PROM1: variants seen among roughly 807,000 people sequenced by gnomAD.
The protein encoded by PROM1 is prominin-1.
Under a neutral mutation model 116.9 loss-of-function variants are expected in PROM1, and 105 were observed. The observed-to-expected ratio is 0.90, with a 90% CI of 0.77 to 1.06. The LOEUF (loss-of-function observed/expected upper bound fraction) is 1.06. Among genes scored for constraint, PROM1 ranks in the 50% least tolerant of loss-of-function variants. The probability of loss-of-function intolerance (pLI) is 0.00; values close to 1 mark genes in which losing one functional copy is unlikely to be tolerated. For synonymous variants in PROM1, 393 were observed against 387.0 expected (o/e 1.02, Z -0.18); for missense variants, 1,122 against 1,045.2 (o/e 1.07, Z -1.01).
intron 23 of PROM1, among the ~76,000 whole-genome samples, chr4:15,983,286 G>A (rs910771349): frequency 3.3e-5 from 5 of 152,180 alleles, no homozygotes; most frequent in African/African-American, 1.2e-4. Flanking sequence ...TTCATTGAGT[G>A]CTGATGTTCC....
chr4:15,970,935 G>T, intron 27 of PROM1, 108 bp downstream of exon 27: 3 of 882,886 alleles, frequency 3.4e-6, no homozygotes, highest in Non-Finnish European at 5.4e-6. Flanking sequence ...TGCTGATCTA[G>T]ATTTCCCACT....
chr4:16,027,668 C>T (rs1349829602), intron 5 of PROM1, among the ~76,000 whole-genome samples: 1 of 152,172 alleles, frequency 6.6e-6, no homozygotes, highest in Non-Finnish European at 1.5e-5. Context: ...TCTAATGTGT[C>T]TTTATTCTTA....
At chr4:15,974,379 A>G (rs1715532790) in intron 26 of PROM1, among the ~76,000 whole-genome samples, 2 of 152,190 alleles carry the variant, frequency 1.3e-5, no homozygotes, top group Admixed American at 1.3e-4. Context: ...ACAGCCACAG[A>G]CTGTATAATG....
intron 26 of PROM1, among the ~76,000 whole-genome samples, chr4:15,976,795 C>T (rs189124702): frequency 3.8e-4 from 58 of 152,160 alleles, no homozygotes; most frequent in African/African-American, 1.3e-3. Flanking sequence ...CTCAGGGAGC[C>T]GTGGAGTTGT....
chr4:16,027,193 T>G (rs1227562976), intron 5 of PROM1, among the ~76,000 whole-genome samples: 1 of 152,100 alleles, frequency 6.6e-6, no homozygotes, highest in Non-Finnish European at 1.5e-5. Context: ...GCATTGGTAT[T>G]TTGGGAGTCA....
intron 8 of PROM1, among the ~76,000 whole-genome samples, chr4:16,022,046 AG>A (rs1002558005): frequency 6.7e-6 from 1 of 149,688 alleles, no homozygotes; most frequent in Non-Finnish European, 1.5e-5. Context: ...AATGATGGAC[AG>A]GGGCCAGGTG....
chr4:16,073,410 T>C (rs7666123), intron 2 of PROM1, among the ~76,000 whole-genome samples: 7,943 of 152,216 alleles, frequency 0.052, 309 homozygotes, highest in South Asian at 0.1. Flanking sequence ...GTGAAATGCA[T>C]TGGCCCCAAA....
chr4:16,028,848 A>G (rs1011985289), intron 5 of PROM1, among the ~76,000 whole-genome samples: 5 of 152,252 alleles, frequency 3.3e-5, no homozygotes, highest in African/African-American at 9.6e-5. Context: ...AATTTTTAGC[A>G]GAAGATAGGA....
chr4:15,992,610 A>G (rs1721354601), intron 16 of PROM1, among the ~76,000 whole-genome samples: 1 of 152,170 alleles, frequency 6.6e-6, no homozygotes, highest in African/African-American at 2.4e-5. Flanking sequence ...TTTTAAACAT[A>G]AATTTAAAAA....
chr4:16,081,505 A>G (rs1041488982), intron 1 of PROM1, among the ~76,000 whole-genome samples: 2 of 152,256 alleles, frequency 1.3e-5, no homozygotes, highest in Admixed American at 1.3e-4. Context: ...CAATGGCAAC[A>G]AAAGCCAAAA....
chr4:16,081,174 A>G (rs949360536), intron 1 of PROM1, among the ~76,000 whole-genome samples: 2 of 151,896 alleles, frequency 1.3e-5, no homozygotes, highest in East Asian at 3.9e-4. Flanking sequence ...TTAACTCGTC[A>G]TTTACATTAG....
At chr4:16,026,771 C>CA (rs1233865881) in intron 5 of PROM1, among the ~76,000 whole-genome samples, 1 of 152,068 alleles carries the variant, frequency 6.6e-6, no homozygotes, top group Non-Finnish European at 1.5e-5. Flanking sequence ...TTAGGTTTCC[C>CA]AAAATGCTCC....
chr4:16,023,390 T>C lies in PROM1; in HGVS notation c.720A>G (p.Gly240=), dbSNP rs765153989. Residue 240 remains glycine, a synonymous_variant, in exon 8 of 28, where the codon GGA becomes GGG. Transcript: ENST00000447510. ...TGTTGGGTCTCAGTCGGTCAAGAAT[T>C]CCGCCTCCTAGCACTGAATTGATAC... ...LNSINSVLGG[G]ILDRLRPNII... is the part of the protein sequence containing the mutation. 5.6e-6 allele frequency: 9 copies of C among 1,605,642 alleles called. No homozygotes were observed. The highest frequency in any genetic ancestry group is 7.7e-6 in the Non-Finnish European group (9 of 1,175,586).
intron 11 of PROM1, 48 bp downstream of exon 11, chr4:16,013,227 C>G (rs1481139914): frequency 1.4e-6 from 2 of 1,464,244 alleles, no homozygotes; most frequent in Middle Eastern, 1.7e-4. Flanking sequence ...ACACATTTCT[C>G]TGTACTGACC....
intron 2 of PROM1, among the ~76,000 whole-genome samples, chr4:16,043,893 C>CACAG (rs1217835305): frequency 6.6e-6 from 1 of 152,170 alleles, no homozygotes; most frequent in African/African-American, 2.4e-5. Context: ...GGCCAGCAGC[C>CACAG]AAGTCTGCAG....
chr4:15,981,624 G>A (rs1447951827), intron 23 of PROM1, among the ~76,000 whole-genome samples: 1 of 151,722 alleles, frequency 6.6e-6, no homozygotes, highest in Non-Finnish European at 1.5e-5. Flanking sequence ...GCTTTGTTCT[G>A]CATCTGAGCA....
intron 5 of PROM1, among the ~76,000 whole-genome samples, chr4:16,026,334 A>G (rs1269947194): frequency 6.6e-6 from 1 of 152,158 alleles, no homozygotes; most frequent in African/African-American, 2.4e-5. Flanking sequence ...GCTAATTGCC[A>G]AGGTTCTGTT....
At chr4:16,010,336 A>ACC (rs1726599452) in intron 11 of PROM1, among the ~76,000 whole-genome samples, 1 of 152,096 alleles carries the variant, frequency 6.6e-6, no homozygotes, top group African/African-American at 2.4e-5. Flanking sequence ...AGAACACACT[A>ACC]ATCAGTTAAA....
chr4:16,037,448 G>T (rs1734187939), intron 3 of PROM1, among the ~76,000 whole-genome samples: 1 of 152,094 alleles, frequency 6.6e-6, no homozygotes, highest in African/African-American at 2.4e-5. Flanking sequence ...TTCCTCTTCT[G>T]CATTTACTTT....
Sources: gnomAD v4.1 joint callset for allele counts (sites outside exome capture counted in the v4.1 genomes callset) on GRCh38, gnomAD v4.1.1 for gene constraint, MANE v1.5 for transcripts, NCBI Gene and HGNC (gene_info 2026-07-23, HGNC 2026-07-21) for gene names.